The following GABRB1 variants were observed in gnomAD, a reference collection of about 807,000 sequenced individuals.
GABRB1 encodes gamma-aminobutyric acid receptor subunit beta-1.
In GABRB1, 17 loss-of-function variants were observed where a neutral mutation model predicts 51.6. That is an observed-to-expected ratio of 0.33 (90% CI 0.23 to 0.49). The LOEUF (loss-of-function observed/expected upper bound fraction) is 0.49. Among genes scored for constraint, GABRB1 ranks in the 20% least tolerant of loss-of-function variants. The pLI is 0.99. For synonymous variants in GABRB1, 247 were observed against 218.9 expected (o/e 1.13, Z -1.14); for missense variants, 410 against 600.6 (o/e 0.68, Z 3.32).
At chr4:47,242,282 A>C (rs1721554548) in intron 4 of GABRB1, among the ~76,000 whole-genome samples, 1 of 152,116 alleles carries the variant, frequency 6.6e-6, no homozygotes, top group African/African-American at 2.4e-5. Flanking sequence ...AATCCAGTCT[A>C]TCATTGTTGG....
chr4:47,262,791 A>C (rs1722492177), intron 4 of GABRB1, among the ~76,000 whole-genome samples: 1 of 152,190 alleles, frequency 6.6e-6, no homozygotes, highest in South Asian at 2.1e-4. Flanking sequence ...CTTGGAACCA[A>C]CCCAAATTCC....
intron 4 of GABRB1, among the ~76,000 whole-genome samples, chr4:47,302,073 C>A (rs1409991640): frequency 6.6e-6 from 1 of 152,084 alleles, no homozygotes; most frequent in Non-Finnish European, 1.5e-5. Context: ...CGGATATGTA[C>A]TTTGCCACAG....
At chr4:47,260,979 G>A (rs751873355) in intron 4 of GABRB1, among the ~76,000 whole-genome samples, 2 of 152,116 alleles carry the variant, frequency 1.3e-5, no homozygotes, top group African/African-American at 2.4e-5. Flanking sequence ...GGCAGAACAG[G>A]CCTTTGACAA....
intron 1 of GABRB1, among the ~76,000 whole-genome samples, chr4:47,008,464 C>T (rs1179954157): frequency 6.9e-6 from 1 of 144,028 alleles, no homozygotes; most frequent in African/African-American, 2.5e-5. Context: ...AAATATTTTA[C>T]TTTTTTTTTT....
At chr4:47,153,485 CA>C (rs1717553845) in intron 3 of GABRB1, among the ~76,000 whole-genome samples, 1 of 152,066 alleles carries the variant, frequency 6.6e-6, no homozygotes, top group South Asian at 2.1e-4. Flanking sequence ...AAGATTTTTA[CA>C]TTTTTTTAAA....
At chr4:47,305,020 A>G (rs909013541) in intron 4 of GABRB1, among the ~76,000 whole-genome samples, 3 of 152,088 alleles carry the variant, frequency 2.0e-5, no homozygotes, top group African/African-American at 7.2e-5. Context: ...TTTGGCAAGG[A>G]CAGTCATTTT....
chr4:47,107,859 G>A (rs999930404), intron 3 of GABRB1, among the ~76,000 whole-genome samples: 4 of 152,048 alleles, frequency 2.6e-5, no homozygotes, highest in Non-Finnish European at 5.9e-5. Context: ...TTTTAGGAGA[G>A]TAACTTTTAG....
At chr4:47,257,609 C>A (rs1722265744) in intron 4 of GABRB1, among the ~76,000 whole-genome samples, 1 of 151,148 alleles carries the variant, frequency 6.6e-6, no homozygotes, top group Non-Finnish European at 1.5e-5. Flanking sequence ...GTCTTCTCTA[C>A]TTTATTTTGG....
intron 4 of GABRB1, among the ~76,000 whole-genome samples, chr4:47,262,958 C>T (rs1430949292): frequency 6.7e-6 from 1 of 148,850 alleles, no homozygotes; most frequent in Non-Finnish European, 1.5e-5. Context: ...AAACCAAACA[C>T]CGCATGTTCT....
intron 5 of GABRB1, among the ~76,000 whole-genome samples, chr4:47,349,052 C>A (rs969988187): frequency 1.3e-5 from 2 of 152,014 alleles, no homozygotes; most frequent in East Asian, 1.9e-4. Flanking sequence ...AGGAGAATAC[C>A]GGGAATGTTT....
chr4:47,182,288 C>T (rs890989589), intron 4 of GABRB1, among the ~76,000 whole-genome samples: 1 of 151,776 alleles, frequency 6.6e-6, no homozygotes, highest in Non-Finnish European at 1.5e-5. Flanking sequence ...TAATGTGATG[C>T]CTTTTAAATT....
intron 1 of GABRB1, among the ~76,000 whole-genome samples, chr4:46,997,514 C>A (rs1329214408): frequency 6.6e-6 from 1 of 151,814 alleles, no homozygotes; most frequent in Non-Finnish European, 1.5e-5. Flanking sequence ...CCTACCATCC[C>A]TCCTTTGGTA....
intron 3 of GABRB1, among the ~76,000 whole-genome samples, chr4:47,124,038 A>G (rs909567679): frequency 7.5e-6 from 1 of 133,660 alleles, no homozygotes; most frequent in Non-Finnish European, 1.5e-5. Context: ...ATATACCTGA[A>G]AAAAATATAT....
chr4:47,339,442 T>C (rs1725806082), intron 5 of GABRB1, among the ~76,000 whole-genome samples: 1 of 152,178 alleles, frequency 6.6e-6, no homozygotes, highest in Admixed American at 6.6e-5. Flanking sequence ...GGAAGTTACT[T>C]TTATTGAATC....
chr4:47,013,645 A>G (rs1290627864), intron 1 of GABRB1, among the ~76,000 whole-genome samples: 1 of 152,074 alleles, frequency 6.6e-6, no homozygotes, highest in Non-Finnish European at 1.5e-5. Flanking sequence ...ATCTTCTTTG[A>G]ATTCTATTCA....
At chr4:47,032,051 CT>C (rs1186708535) in intron 2 of GABRB1, 46 bp downstream of exon 2, 9 of 1,141,538 alleles carry the variant, frequency 7.9e-6, no homozygotes, top group African/African-American at 3.3e-5. Flanking sequence ...CTTAGTTCTC[CT>C]TTTCTGTCAA....
chr4:47,359,188 G>A (rs553973619), intron 5 of GABRB1, among the ~76,000 whole-genome samples: 1 of 152,226 alleles, frequency 6.6e-6, no homozygotes, highest in South Asian at 2.1e-4. Flanking sequence ...GCTTTTGGCT[G>A]TAATCTCACA....
chr4:47,306,820 TA>T (rs1724489583), intron 4 of GABRB1, among the ~76,000 whole-genome samples: 1 of 152,202 alleles, frequency 6.6e-6, no homozygotes, highest in South Asian at 2.1e-4. Flanking sequence ...TCATTCATTT[TA>T]AATGCTGTAA....
chr4:47,351,453 C>G (rs970678286), intron 5 of GABRB1, among the ~76,000 whole-genome samples: 9 of 152,014 alleles, frequency 5.9e-5, no homozygotes, highest in Admixed American at 5.2e-4. Flanking sequence ...TACATGTGCA[C>G]GATGTGCAAG....
Sources: allele counts gnomAD v4.1 joint callset (sites outside exome capture counted in the v4.1 genomes callset), GRCh38; gene constraint gnomAD v4.1.1; transcripts MANE v1.5; gene names NCBI Gene and HGNC (gene_info 2026-07-23, HGNC 2026-07-21).